Variants in RP1L1 observed in about 807,000 individuals in gnomAD.
RP1L1 encodes the protein retinitis pigmentosa 1-like 1 protein.
In RP1L1, 27 loss-of-function variants were observed where a neutral mutation model predicts 15.7. The ratio of observed to expected loss-of-function variants is 1.72; its 90% CI spans 1.27 to 2.38. The LOEUF is 2.38. Among genes scored for constraint, RP1L1 ranks in the 30% most tolerant of loss-of-function variants. RP1L1 has a pLI of 0.00. For synonymous variants in RP1L1, 1,813 were observed against 1,276.7 expected, an observed-to-expected ratio of 1.42 and a Z score of -8.96; for missense variants, 4,798 against 3,075.9, an observed-to-expected ratio of 1.56 and a Z score of -13.24.
Position 10,612,844 on chromosome 8 carries a change from C to G in RP1L1, c.1254G>C (p.Glu418Asp). The part of the protein sequence containing the change: ...WTNPLHASQG[E>D]RVAARKRWGL... ...CCCACCTCTTCCGAGCTGCCACTCT[C>G]TCTCCCTGGGAGGCATGCAGGGGAT... Residue 418 changes from glutamate to aspartate, a missense_variant, in exon 4 of 4, where the codon GAG becomes GAC. Coordinates refer to ENST00000382483, the MANE Select transcript of RP1L1 (RefSeq NM_178857.6). 3 of 1,612,840 alleles carry G rather than the reference C, an allele frequency of 1.9e-6. No individual in the cohort carries two copies. Among genetic ancestry groups the G allele is most frequent in the South Asian group, 1.1e-5 (1 of 91,080 alleles).
intron 2 of RP1L1, 84 bp downstream of exon 2, chr8:10,622,509 G>A: frequency 6.3e-7 from 1 of 1,581,140 alleles, no homozygotes; most frequent in Non-Finnish European, 8.7e-7. Flanking sequence ...TCTTTTTAAG[G>A]AATAATCTCT....
Position 10,609,174 on chromosome 8 carries a change from C to A in RP1L1, c.4924G>T (p.Ala1642Ser). 6.2e-7 allele frequency: 1 copy of A among 1,612,990 alleles called. No individual in the cohort carries two copies. Among genetic ancestry groups the A allele is most frequent in the Non-Finnish European group, 8.5e-7 (1 of 1,180,026 alleles). ...TLEDEPALST[A>S]LGSQLGEEAE... is the part of the protein sequence containing the mutation. ...TCCTCGCCCAGCTGGCTCCCCAGGGCTGTGCTGAGGGCTGGCTCGTCCTCC... is the reference window on the plus strand; with the variant it reads ...TCCTCGCCCAGCTGGCTCCCCAGGGATGTGCTGAGGGCTGGCTCGTCCTCC... The change falls in exon 4 of 4, where the codon GCC becomes TCC. Residue 1642 changes from alanine (A) to serine (S), a missense_variant. By Grantham distance (99) the Ala-to-Ser change is moderately conservative. Coordinates refer to ENST00000382483, the MANE Select transcript of RP1L1 (RefSeq NM_178857.6).
At chr8:10,626,096 G>A (rs985026545) in intron 1 of RP1L1, among the ~76,000 whole-genome samples, 1 of 152,158 alleles carries the variant, frequency 6.6e-6, no homozygotes. Context: ...GACAGCCCCT[G>A]TGGAGGAAGG....
At chr8:10,619,265 C>T (rs757128279) in intron 2 of RP1L1, among the ~76,000 whole-genome samples, 9 of 152,252 alleles carry the variant, frequency 5.9e-5, no homozygotes, top group East Asian at 1.9e-4. Context: ...ATAAGATGCA[C>T]TTGAACAGGG....
rs1038295019 is a variant in RP1L1, at chr8:10,610,222, T to C, written c.3876A>G (p.Leu1292=). ...CCTCTTCTTGCACTGTGTTTTCAGC[T>C]AACTGCTCCAGGTTCGAGCTCGCCC... ...EQRASSNLEQ[L]AENTVQEEVQ... The change falls in exon 4 of 4, where the codon TTA becomes TTG. Residue 1292 remains leucine, a synonymous_variant. Coordinates refer to ENST00000382483, the MANE Select transcript of RP1L1 (RefSeq NM_178857.6). The C allele has an allele frequency of 1.2e-6, 2 of 1,613,488 alleles. No individual in the cohort carries two copies. Among genetic ancestry groups the C allele is most frequent in the South Asian group, 1.1e-5 (1 of 91,074 alleles).
intron 1 of RP1L1, among the ~76,000 whole-genome samples, chr8:10,648,709 A>G (rs1798516287): frequency 6.6e-6 from 1 of 152,226 alleles, no homozygotes; most frequent in African/African-American, 2.4e-5. Context: ...TGGCCTTGCC[A>G]TTCTCTGACT....
rs370962600 is a variant in RP1L1 at position 10,623,650 on chromosome 8, T to C, written c.-19-430A>G. Among the ~76,000 whole-genome samples the C allele has an allele frequency of 3.8e-4, 56 of 147,726 alleles. 1 individual carries two copies. Among genetic ancestry groups the C allele is most frequent in the Middle Eastern group, 3.6e-3 (1 of 274 alleles). On this transcript the variant is annotated intron_variant, in intron 1 of 3. Transcript: ENST00000382483. ...CCCAGAGTCATCATGTCCCCAGCATTGCCATGTCCCCAGCAAAGCCACATC... is the reference window on the plus strand; with the variant it reads ...CCCAGAGTCATCATGTCCCCAGCATCGCCATGTCCCCAGCAAAGCCACATC...
At position 10,606,957 on chromosome 8, in the gene RP1L1, G is replaced by C; in HGVS notation, c.7141C>G (p.Leu2381Val). The C allele has an allele frequency of 1.2e-6, 2 of 1,614,240 alleles. No individual in the cohort carries two copies. The highest frequency in any genetic ancestry group is 1.1e-5 in the South Asian group (1 of 91,086). ...DLQEDQALGS[L>V]APTEAVGRAD... is the part of the protein sequence containing the mutation. ...CTGCCCACTGCCTCAGTGGGGGCGA[G>C]ACTTCCGAGTGCCTGGTCCTCTTGT... Residue 2381 changes from leucine to valine, a missense_variant, in exon 4 of 4, where the codon CTC becomes GTC. Transcript: ENST00000382483.
intron 1 of RP1L1, among the ~76,000 whole-genome samples, chr8:10,626,329 G>A (rs1337717290): frequency 2.0e-5 from 3 of 152,214 alleles, no homozygotes; most frequent in African/African-American, 4.8e-5. Context: ...GAGAGGGACA[G>A]GGCTGCTGCG....
intron 1 of RP1L1, among the ~76,000 whole-genome samples, chr8:10,644,369 G>T (rs375354548): frequency 6.6e-6 from 1 of 152,088 alleles, no homozygotes; most frequent in Non-Finnish European, 1.5e-5. Context: ...CTACAGGAAG[G>T]CTTCCAGGAC....
At chr8:10,627,646 TA>T (rs1239138244) in intron 1 of RP1L1, among the ~76,000 whole-genome samples, 1 of 28,330 alleles carries the variant, frequency 3.5e-5, no homozygotes, top group African/African-American at 1.2e-4. Context: ...CAATACGAGA[TA>T]TAAAAAAAAA....
Position 10,612,545 on chromosome 8 carries a change from C to A in RP1L1, c.1553G>T (p.Gly518Val), listed in dbSNP as rs373721801. The change falls in exon 4 of 4, where the codon GGC (glycine) becomes GTC (valine). Residue 518 changes from glycine (G) to valine (V), a missense_variant. Gly to Val is a moderately radical substitution (Grantham distance 109). Transcript: ENST00000382483. ...CCGGGCCCTCGGTGTCAGGCGGCCG[C>A]CTTGCTCTGGGCCGCCCAGCCCTGC... ...DGAGLGGPEQ[G>V]GRLTPRARSE... 8.7e-6 allele frequency: 14 copies of A among 1,609,584 alleles called. No homozygotes were observed. Among genetic ancestry groups the A allele is most frequent in the Non-Finnish European group, 1.2e-5 (14 of 1,179,510 alleles).
chr8:10,616,030 A>T (rs1797958629), intron 3 of RP1L1, among the ~76,000 whole-genome samples: 1 of 152,024 alleles, frequency 6.6e-6, no homozygotes, highest in Admixed American at 6.6e-5. Flanking sequence ...TCAGCCTCCC[A>T]AGTAGCTGAA....
chr8:10,640,816 G>C (rs186702804), intron 1 of RP1L1, among the ~76,000 whole-genome samples: 3 of 152,206 alleles, frequency 2.0e-5, no homozygotes, highest in Admixed American at 2.0e-4. Context: ...TGTCGCCCAA[G>C]CTGGAGTACA....
chr8:10,611,904 G>A lies in RP1L1; in HGVS notation c.2194C>T (p.Leu732Phe), dbSNP rs748856314. 27 of 1,613,788 alleles carry A rather than the reference G, an allele frequency of 1.7e-5. No homozygotes were observed. The highest frequency in any genetic ancestry group is 2.3e-5 in the Non-Finnish European group (27 of 1,180,040). ...ACAGTGGCACTGCTGGTTCCCAGAAGGTCCTGGGAAGGAAGAGAGCCCGAG... is the reference window on the plus strand; with the variant it reads ...ACAGTGGCACTGCTGGTTCCCAGAAAGTCCTGGGAAGGAAGAGAGCCCGAG... ...PSSGSLPSQD[L>F]LGTSSATVTP... The change falls in exon 4 of 4, where the codon CTT (leucine) becomes TTT (phenylalanine). Residue 732 changes from leucine (L) to phenylalanine (F), a missense_variant. By Grantham distance (22) the Leu-to-Phe change is conservative. Coordinates refer to ENST00000382483, the MANE Select transcript of RP1L1 (RefSeq NM_178857.6).
chr8:10,641,749 T>C (rs1467631363), intron 1 of RP1L1, among the ~76,000 whole-genome samples: 1 of 152,210 alleles, frequency 6.6e-6, no homozygotes, highest in Non-Finnish European at 1.5e-5. Context: ...ACACTGGAAA[T>C]ACTCAGATGT....
At chr8:10,616,632 C>G in intron 2 of RP1L1, 45 bp from the exon 3 acceptor site, 2 of 1,581,366 alleles carry the variant, frequency 1.3e-6, no homozygotes, top group Non-Finnish European at 1.7e-6. Context: ...GCTGCAGAAA[C>G]CCCTCTACCC....
intron 1 of RP1L1, among the ~76,000 whole-genome samples, chr8:10,647,272 T>C (rs1336190614): frequency 1.3e-5 from 2 of 152,236 alleles, no homozygotes; most frequent in South Asian, 2.1e-4. Context: ...AGGGGACATA[T>C]CTGTGACAGC....
In RP1L1 at chr8:10,640,832, G is replaced by A. The variant is rs542423566; in HGVS notation, c.-20+14066C>T. ...GTCGCCCAAGCTGGAGTACAATGGC[G>A]TAAACACAGCTCACTGCAGCCTTGA... On this transcript the variant is annotated intron_variant, in intron 1 of 3. Coordinates refer to ENST00000382483, the MANE Select transcript of RP1L1 (RefSeq NM_178857.6). Among the ~76,000 whole-genome samples, 103 of 152,194 alleles carry A rather than the reference G, an allele frequency of 6.8e-4. No individual in the cohort carries two copies. In the South Asian group the frequency reaches 9.1e-3, roughly 13 times the overall value.
Sources: allele counts gnomAD v4.1 joint callset (sites outside exome capture counted in the v4.1 genomes callset), GRCh38; gene constraint gnomAD v4.1.1; transcripts MANE v1.5; gene names NCBI Gene and HGNC (gene_info 2026-07-23, HGNC 2026-07-21).